Variants in AMPD1 observed in about 807,000 individuals in gnomAD.
AMPD1 encodes the protein AMP deaminase 1.
Under a neutral mutation model 82.9 loss-of-function variants are expected in AMPD1, and 74 were observed. The observed-to-expected ratio is 0.89, with a 90% CI of 0.74 to 1.08. The LOEUF is 1.08. AMPD1 is among the 50% of genes least tolerant of loss of function. The pLI is 0.00. For missense variants in AMPD1, 881 were observed against 924.5 expected, an observed-to-expected ratio of 0.95 and a Z score of 0.61; for synonymous variants, 333 against 320.5, an observed-to-expected ratio of 1.04 and a Z score of -0.42.
At chr1:114,677,541 C>T in intron 9 of AMPD1, 27 bp from the exon 10 acceptor site, 1 of 1,613,506 alleles carries the variant, frequency 6.2e-7, no homozygotes, top group East Asian at 2.2e-5. Context: ...GAAGTCCAAG[C>T]CAGGGATTCC....
chr1:114,674,404 A>G (rs1657921858), intron 13 of AMPD1, among the ~76,000 whole-genome samples: 1 of 152,220 alleles, frequency 6.6e-6, no homozygotes. Flanking sequence ...TCTACAAGAA[A>G]GTTCTGACTC....
At position 114,686,880 on chromosome 1, in the gene AMPD1, A is replaced by G; in HGVS notation, c.246T>C (p.Val82=). 1 of 1,614,260 alleles carries G rather than the reference A, an allele frequency of 6.2e-7. No individual in the cohort carries two copies. The highest frequency in any genetic ancestry group is 8.5e-7 in the Non-Finnish European group (1 of 1,180,044). ...TTTCACTTAGTGGAATGGACAAATT[A>G]ACAGTCTTCCGTCCTTGGAAACGCT... ...RKKRFQGRKT[V]NLSIPLSETS... The change falls in exon 4 of 16, where the codon GTT becomes GTC. Residue 82 remains valine (V), a synonymous_variant. Transcript: ENST00000520113.
At chr1:114,695,136 G>A (rs1320402854) in intron 1 of AMPD1, among the ~76,000 whole-genome samples, 5 of 152,058 alleles carry the variant, frequency 3.3e-5, no homozygotes, top group African/African-American at 4.8e-5. Context: ...TGTAGAAGCC[G>A]TCTCAGAGCT....
chr1:114,695,386 G>A, intron 1 of AMPD1, 64 bp downstream of exon 1: 1 of 1,526,442 alleles, frequency 6.6e-7, no homozygotes, highest in Non-Finnish European at 8.8e-7. Flanking sequence ...TAAAGGAACA[G>A]TTGCTTGTCA....
At chr1:114,684,461 T>A in intron 4 of AMPD1, 97 bp from the exon 5 acceptor site, 1 of 1,300,938 alleles carries the variant, frequency 7.7e-7, no homozygotes, top group South Asian at 1.2e-5. Context: ...CTCTCCTGTG[T>A]ATCGCAGCCC....
Position 114,687,145 on chromosome 1 carries a change from G to T in AMPD1, c.216-235C>A, listed in dbSNP as rs1178044532. 5 of 564,890 alleles carry T rather than the reference G, an allele frequency of 8.9e-6. No homozygotes were observed. In the East Asian group the frequency reaches 1.7e-4, roughly 19 times the overall value. 35.0% of individuals were successfully genotyped at this position (564,890 alleles called of 1,614,324 possible). ...AATGGCCTTAGCAATCCTACTAGAA[G>T]ACCTTCACCATGACACCCTTCTTCC... On this transcript the variant is annotated intron_variant, in intron 3 of 15. Transcript: ENST00000520113.
In AMPD1 at chr1:114,677,931, T is replaced by C; in HGVS notation, c.1203A>G (p.Glu401=). Residue 401 remains glutamate (E), a synonymous_variant, in exon 9 of 16, where the codon GAA becomes GAG. Coordinates refer to ENST00000520113, the MANE Select transcript of AMPD1 (RefSeq NM_000036.3). ...YLKTDNYING[E]YFATIIKEVG... ...TCACCTTGATGATAGTGGCAAAATA[T>C]TCCCCATTAATGTAATTGTCTGTCT... is the stretch of plus-strand genomic sequence containing the variant. 1 of 1,613,830 alleles carries C rather than the reference T, an allele frequency of 6.2e-7. No individual in the cohort carries two copies. Among genetic ancestry groups the C allele is most frequent in the East Asian group, 2.2e-5 (1 of 44,852 alleles).
chr1:114,683,452 C>T (rs765405923), intron 5 of AMPD1, among the ~76,000 whole-genome samples: 12 of 152,176 alleles, frequency 7.9e-5, no homozygotes, highest in African/African-American at 1.4e-4. Context: ...CAAAAATAAA[C>T]AGGCCGGGTG....
chr1:114,688,458 C>T (rs1294733630), intron 3 of AMPD1, 103 bp downstream of exon 3: 1 of 1,351,622 alleles, frequency 7.4e-7, no homozygotes, highest in Non-Finnish European at 1.1e-6. Context: ...CAGAGTTCTT[C>T]CTCTGAGTTG....
Position 114,679,651 on chromosome 1 carries a change from C to G in AMPD1, c.825G>C (p.Gln275His), listed in dbSNP as rs771012215. ...KFLSSKFQVH[Q>H]MLNEMDELKE... is the part of the protein sequence containing the mutation. ...TTAACTCGTCCATCTCGTTAAGCATCTGATGGACCTGGAACTTGGAGGAGA... is the reference window on the plus strand; with the variant it reads ...TTAACTCGTCCATCTCGTTAAGCATGTGATGGACCTGGAACTTGGAGGAGA... The change falls in exon 7 of 16, where the codon CAG becomes CAC. Residue 275 changes from glutamine (Q) to histidine (H), a missense_variant. Physicochemically the swap from Gln to His is conservative, Grantham distance 24. Around this residue, in one of 2 missense-constraint regions of AMPD1, gnomAD observed 783 missense variants for 786.4 expected, o/e 1.00. Transcript: ENST00000520113. 12 of 1,614,004 alleles carry G rather than the reference C, an allele frequency of 7.4e-6. No individual in the cohort carries two copies. Among genetic ancestry groups the G allele is most frequent in the Admixed American group, 6.7e-5 (4 of 60,026 alleles).
Position 114,692,669 on chromosome 1 carries a change from G to A in AMPD1, c.34+767C>T, listed in dbSNP as rs140027450. 1.2e-3 allele frequency among the ~76,000 whole-genome samples: 182 copies of A among 151,488 alleles called. 2 individuals are homozygous for A. The highest frequency in any genetic ancestry group is 4.1e-3 in the African/African-American group (168 of 41,304). The stretch of plus-strand genomic sequence containing the variant: ...CACTCCAGCCTGGGCAACACAGCAA[G>A]ACTCCATCTCAAAAAATAAATAAAT... On this transcript the variant is annotated intron_variant, in intron 2 of 15. Coordinates refer to ENST00000520113, the MANE Select transcript of AMPD1 (RefSeq NM_000036.3).
Position 114,681,226 on chromosome 1 carries a change from C to T in AMPD1, c.548-748G>A, listed in dbSNP as rs371760618. ...ATTTAAGCCAATCCTTTTTATTAGG[C>T]GTAATTTAGAGTGTTTTTTGAAATA... On this transcript the variant is annotated intron_variant, in intron 5 of 15. Transcript: ENST00000520113. Among the ~76,000 whole-genome samples the T allele has an allele frequency of 7.2e-5, 11 of 151,994 alleles. No homozygotes were observed. In the South Asian group the frequency reaches 2.1e-3, roughly 29 times the overall value.
Position 114,675,669 on chromosome 1 carries a change from C to T in AMPD1, c.1540G>A (p.Asp514Asn). 2 of 1,614,190 alleles carry T rather than the reference C, an allele frequency of 1.2e-6. No homozygotes were observed. Among genetic ancestry groups the T allele is most frequent in the Non-Finnish European group, 1.7e-6 (2 of 1,180,028 alleles). Residue 514 changes from aspartate to asparagine, a missense_variant, in exon 12 of 16, where the codon GAT becomes AAT. Coordinates refer to ENST00000520113, the MANE Select transcript of AMPD1 (RefSeq NM_000036.3). ...ATGTGGCCACTGTGTTTGGACTCAT[C>T]ATCCACACTGTCAAAGCCAGTGATC... ...KHITGFDSVD[D>N]ESKHSGHMFS...
At chr1:114,685,605 A>G (rs1658291338) in intron 4 of AMPD1, among the ~76,000 whole-genome samples, 1 of 152,280 alleles carries the variant, frequency 6.6e-6, no homozygotes, top group East Asian at 1.9e-4. Flanking sequence ...TCCAGCTTTC[A>G]CAGGAGGAGA....
In AMPD1 at chr1:114,674,875, G is replaced by C. The variant is rs768330383; in HGVS notation, c.1680-3C>G. On this transcript the variant is annotated splice_region_variant and splice_polypyrimidine_tract_variant and intron_variant, in intron 12 of 15. Transcript: ENST00000520113. ...GAAACGTATTCATGCCTCGTTCCCT[G>C]GGGAAATAGAACTGCTATTGGAATC... 5 of 1,613,938 alleles carry C rather than the reference G, an allele frequency of 3.1e-6. No homozygotes were observed. The African/African-American group carries it at 6.7e-5, about 22-fold the overall frequency.
At position 114,684,307 on chromosome 1, in the gene AMPD1, G is replaced by A. The variant is rs147035391; in HGVS notation, c.439C>T (p.Arg147Cys). 9.9e-6 allele frequency: 16 copies of A among 1,613,604 alleles called. No individual in the cohort carries two copies. The highest frequency in any genetic ancestry group is 1.1e-5 in the Non-Finnish European group (13 of 1,179,970). Residue 147 changes from arginine (R) to cysteine (C), a missense_variant, in exon 5 of 16, where the codon CGT becomes TGT. Physicochemically the swap from Arg to Cys is radical, Grantham distance 180 (BLOSUM62 -3). Around this residue, in one of 2 missense-constraint regions of AMPD1, gnomAD observed 783 missense variants for 786.4 expected, o/e 1.00. Transcript: ENST00000520113. Reference sequence around the variant, plus strand: ...AACGACTTCTGCATGTATTTCTCACGTATGCATAGTGCCCGATACAGACCT... The same window carrying A: ...AACGACTTCTGCATGTATTTCTCACATATGCATAGTGCCCGATACAGACCT... ...CKGLYRALCI[R>C]EKYMQKSFQR...
intron 4 of AMPD1, among the ~76,000 whole-genome samples, chr1:114,685,711 A>G (rs1054327312): frequency 1.3e-5 from 2 of 152,226 alleles, no homozygotes; most frequent in Admixed American, 6.5e-5. Context: ...TATGAAGTTT[A>G]TCTCCAAATG....
intron 2 of AMPD1, among the ~76,000 whole-genome samples, chr1:114,692,690 TAAATAAACAAAC>T (rs1465730152): frequency 6.7e-6 from 1 of 149,456 alleles, no homozygotes; most frequent in Non-Finnish European, 1.5e-5. Context: ...AAAAAATAAA[TAAATAAACAAAC>T]AAATAAATAA....
chr1:114,693,921 G>A (rs1211044443), intron 1 of AMPD1, among the ~76,000 whole-genome samples: 1 of 152,164 alleles, frequency 6.6e-6, no homozygotes, highest in Non-Finnish European at 1.5e-5. Flanking sequence ...CCATAAAGAG[G>A]CCGGGTGCAG....
Sources: gnomAD v4.1 joint callset for allele counts (sites outside exome capture counted in the v4.1 genomes callset) on GRCh38, gnomAD v4.1.1 for gene constraint, gnomAD v4.1.1 regional missense constraint, MANE v1.5 for transcripts, NCBI Gene and HGNC (gene_info 2026-07-23, HGNC 2026-07-21) for gene names.